Variants in KIRREL3 observed in about 807,000 individuals in gnomAD.
The protein encoded by KIRREL3 is kirre like nephrin family adhesion molecule 3.
KIRREL3 carries 36 observed loss-of-function variants against 89.7 expected under a neutral mutation model. The observed-to-expected ratio is 0.40, with a 90% CI of 0.31 to 0.53. The LOEUF is 0.53. KIRREL3 is among the 20% of genes least tolerant of loss of function. The probability of loss-of-function intolerance (pLI) is 0.49; values close to 1 mark genes in which losing one functional copy is unlikely to be tolerated. For synonymous variants in KIRREL3, 445 were observed against 441.4 expected (o/e 1.01, Z -0.10); for missense variants, 864 against 1,056.6 (o/e 0.82, Z 2.53).
At chr11:126,672,029 TC>T (rs1441420094) in intron 1 of KIRREL3, among the ~76,000 whole-genome samples, 1 of 152,232 alleles carries the variant, frequency 6.6e-6, no homozygotes, top group African/African-American at 2.4e-5. Context: ...ACAAAGATGT[TC>T]TCCAGTAGGT....
chr11:126,490,806 C>A lies in KIRREL3; in HGVS notation c.434-17340G>T, dbSNP rs1330542138. ...CTTCATCTCTTGCGAGTCTGGGACT[C>A]CAAGGGCCGAGCAGAGCCGGCAGTA... On this transcript the variant is annotated intron_variant, in intron 4 of 16. Transcript: ENST00000525144. The surrounding 1 kb of genome is among the most constrained non-coding windows in gnomAD (Gnocchi z 4.2). Among the ~76,000 whole-genome samples the A allele has an allele frequency of 6.6e-6, 1 of 152,076 alleles. No individual in the cohort carries two copies. Among genetic ancestry groups the A allele is most frequent in the African/African-American group, 2.4e-5 (1 of 41,396 alleles).
rs986146016 is a variant in KIRREL3, at chr11:126,562,695, A to G, written c.133+140T>C. On this transcript the variant is annotated intron_variant, in intron 2 of 16. Transcript: ENST00000525144. The surrounding 1 kb of genome is among the most constrained non-coding windows in gnomAD (Gnocchi z 4.7). ...CCCATGTGATTGTACAAATGGCTTC[A>G]TGGAAACCAAACTGGTCTTCCCACT... The G allele has an allele frequency of 8.2e-5, 50 of 611,934 alleles. No individual in the cohort carries two copies. In the African/African-American group the frequency reaches 8.3e-4, roughly 10 times the overall value. The allele number at this position is 611,934 out of a possible 1,614,324, so 37.9% of individuals were successfully genotyped here.
rs1955048464 is a variant in KIRREL3, at chr11:126,429,362, C to T, written c.1697-74G>A. Reference sequence around the variant, plus strand: ...TGAGATGTCAAGCTCCCTTGCAGTCCCCTGCCCCTGCCCTGCCACCCTCTG... The same window carrying T: ...TGAGATGTCAAGCTCCCTTGCAGTCTCCTGCCCCTGCCCTGCCACCCTCTG... On this transcript the variant is annotated intron_variant, in intron 14 of 16. Transcript: ENST00000525144. This position sits in a 1 kb window ranked among gnomAD's most constrained non-coding sequence, Gnocchi z 5.2. The T allele has an allele frequency of 3.1e-6, 3 of 979,468 alleles. No homozygotes were observed. The highest frequency in any genetic ancestry group is 1.6e-5 in the African/African-American group (1 of 62,814). The allele number at this position is 979,468 out of a possible 1,614,324, so 60.7% of individuals were successfully genotyped here. A position where few individuals can be genotyped will look rare whatever the true frequency, so the allele number is the denominator to read the frequency against.
Position 126,912,622 on chromosome 11 carries a change from C to A in KIRREL3, c.55+87833G>T, listed in dbSNP as rs189023729. On this transcript the variant is annotated intron_variant, in intron 1 of 16. Coordinates refer to ENST00000525144, the MANE Select transcript of KIRREL3 (RefSeq NM_032531.4). This position sits in a 1 kb window ranked among gnomAD's most constrained non-coding sequence, Gnocchi z 4.7. ...TGATGAACAGGAGAAGGGAGAAGAACTTCACCTTCCTTCAAGAGGCCATGC... is the reference window on the plus strand; with the variant it reads ...TGATGAACAGGAGAAGGGAGAAGAAATTCACCTTCCTTCAAGAGGCCATGC... Among the ~76,000 whole-genome samples, 2 of 152,340 alleles carry A rather than the reference C, an allele frequency of 1.3e-5. No homozygotes were observed. The highest frequency in any genetic ancestry group is 2.9e-5 in the Non-Finnish European group (2 of 68,034).
chr11:126,495,472 C>T lies in KIRREL3; in HGVS notation c.434-22006G>A, dbSNP rs1291767012. On this transcript the variant is annotated intron_variant, in intron 4 of 16. Transcript: ENST00000525144. The surrounding 1 kb of genome is among the most constrained non-coding windows in gnomAD (Gnocchi z 6.5). ...ACTGTCTGTGTTCCTCGTCTCCGCT[C>T]ATCCTTGCTGGCCGGGTTTCTGGTT... 6.6e-6 allele frequency among the ~76,000 whole-genome samples: 1 copy of T among 152,180 alleles called. No homozygotes were observed.
Position 126,742,750 on chromosome 11 carries a change from AAC to A in KIRREL3, c.56-179840_56-179839del, listed in dbSNP as rs555366280. 1.2e-3 allele frequency among the ~76,000 whole-genome samples: 189 copies of A among 152,364 alleles called. No individual in the cohort carries two copies. The highest frequency in any genetic ancestry group is 6.7e-3 in the East Asian group (35 of 5,188). On this transcript the variant is annotated intron_variant, in intron 1 of 16. Coordinates refer to ENST00000525144, the MANE Select transcript of KIRREL3 (RefSeq NM_032531.4). This position sits in a 1 kb window ranked among gnomAD's most constrained non-coding sequence, Gnocchi z 5.3. ...AGTGGACTTTAGAACCAGGCAGGCA[AAC>A]ACAGCTTCAGGGTGAGGTTAGGCAG...
intron 1 of KIRREL3, among the ~76,000 whole-genome samples, chr11:126,832,447 A>G (rs1006740360): frequency 6.6e-6 from 1 of 152,222 alleles, no homozygotes; most frequent in African/African-American, 2.4e-5. Context: ...ATGCTTGTAC[A>G]TAAAGGCAAC....
Position 126,640,675 on chromosome 11 carries a change from G to A in KIRREL3, c.56-77763C>T, listed in dbSNP as rs1944434579. On this transcript the variant is annotated intron_variant, in intron 1 of 16. Coordinates refer to ENST00000525144, the MANE Select transcript of KIRREL3 (RefSeq NM_032531.4). The surrounding 1 kb of genome is among the most constrained non-coding windows in gnomAD (Gnocchi z 4.9). ...CATATTACTTGCTGCTGTTTCACAT[G>A]GGTTCTTTCTGAATCTGGAATGAAC... Among the ~76,000 whole-genome samples, 1 of 152,092 alleles carries A rather than the reference G, an allele frequency of 6.6e-6. No individual in the cohort carries two copies. The highest frequency in any genetic ancestry group is 6.5e-5 in the Admixed American group (1 of 15,276).
chr11:126,518,430 G>C (rs1297740335), intron 4 of KIRREL3, among the ~76,000 whole-genome samples: 1 of 152,262 alleles, frequency 6.6e-6, no homozygotes, highest in Non-Finnish European at 1.5e-5. Context: ...TCTAGCCAAA[G>C]TGTTTGCTTT....
rs375855596 is a variant in KIRREL3 at position 126,424,934 on chromosome 11, C to T, written c.1983G>A (p.Leu661=). 4,316 of 1,601,340 alleles carry T rather than the reference C, an allele frequency of 2.7e-3. 10 individuals are homozygous for T. Among genetic ancestry groups the T allele is most frequent in the Non-Finnish European group, 3.0e-3 (3,467 of 1,170,712 alleles). The change falls in exon 17 of 17, where the codon CTG becomes CTA. Residue 661 remains leucine, a synonymous_variant. Transcript: ENST00000525144. ...GCACACGCTGCTTGCCCGCAGGACG[C>T]AGGTCGGGCTGGCAGCTGGAGAGGG... ...TISLSSCQPD[L]RPAGKQRVPT...
chr11:126,549,497 C>T (rs1939087175), intron 2 of KIRREL3: 1 of 152,220 alleles, frequency 6.6e-6, no homozygotes, highest in Non-Finnish European at 1.5e-5. Flanking sequence ...TGAACCTGCT[C>T]ATTCCAGCGC....
Position 126,568,517 on chromosome 11 carries a change from G to A in KIRREL3, c.56-5605C>T, listed in dbSNP as rs1199787128. ...AAAAATAGCTCCCATTCCCCAGACA[G>A]TGCCTGAGATCATCTGGAGGAGACA... is the stretch of plus-strand genomic sequence containing the variant. On this transcript the variant is annotated intron_variant, in intron 1 of 16. Transcript: ENST00000525144. The surrounding 1 kb of genome is among the most constrained non-coding windows in gnomAD (Gnocchi z 4.6). Among the ~76,000 whole-genome samples the A allele has an allele frequency of 6.6e-6, 1 of 152,204 alleles. No individual in the cohort carries two copies. Among genetic ancestry groups the A allele is most frequent in the East Asian group, 1.9e-4 (1 of 5,190 alleles).
rs1307876466 is a variant in KIRREL3 at position 126,877,922 on chromosome 11, C to T, written c.55+122533G>A. Among the ~76,000 whole-genome samples, 1 of 152,068 alleles carries T rather than the reference C, an allele frequency of 6.6e-6. No individual in the cohort carries two copies. The highest frequency in any genetic ancestry group is 2.4e-5 in the African/African-American group (1 of 41,392). On this transcript the variant is annotated intron_variant, in intron 1 of 16. Transcript: ENST00000525144. This position sits in a 1 kb window ranked among gnomAD's most constrained non-coding sequence, Gnocchi z 4.9. Reference sequence around the variant, plus strand: ...GCAGCGTGTTAAGGCTGGAACTCCCCCCTAGAGACATAGTCCAAGCTTCTC... The same window carrying T: ...GCAGCGTGTTAAGGCTGGAACTCCCTCCTAGAGACATAGTCCAAGCTTCTC...
rs1319036909 is a variant in KIRREL3, at chr11:126,601,663, G to A, written c.56-38751C>T. Among the ~76,000 whole-genome samples the A allele has an allele frequency of 6.6e-6, 1 of 152,110 alleles. No homozygotes were observed. Among genetic ancestry groups the A allele is most frequent in the Non-Finnish European group, 1.5e-5 (1 of 68,020 alleles). On this transcript the variant is annotated intron_variant, in intron 1 of 16. Transcript: ENST00000525144. This position sits in a 1 kb window ranked among gnomAD's most constrained non-coding sequence, Gnocchi z 5.8. The stretch of plus-strand genomic sequence containing the variant: ...AGAAAGGAGGCCTCACAGTGTCCTG[G>A]CCCCCTCTGCCCACTTGCCGCCCCT...
Position 126,562,949 on chromosome 11 carries a change from G to A in KIRREL3, c.56-37C>T, listed in dbSNP as rs1314547249. The A allele has an allele frequency of 1.3e-6, 2 of 1,551,908 alleles. No homozygotes were observed. Among genetic ancestry groups the A allele is most frequent in the Non-Finnish European group, 1.8e-6 (2 of 1,124,094 alleles). ...GCATAGGTGGGTGAGTTGGGAATGG[G>A]AACAGGTCAGGCATTGTTGGGGGGC... On this transcript the variant is annotated intron_variant, in intron 1 of 16. Coordinates refer to ENST00000525144, the MANE Select transcript of KIRREL3 (RefSeq NM_032531.4). The surrounding 1 kb of genome is among the most constrained non-coding windows in gnomAD (Gnocchi z 4.7).
At chr11:126,435,403 C>CA (rs1211031225) in intron 12 of KIRREL3, 100 bp from the exon 13 acceptor site, 1 of 1,203,648 alleles carries the variant, frequency 8.3e-7, no homozygotes, top group Non-Finnish European at 1.2e-6. Flanking sequence ...GTGAGGGGCT[C>CA]CTTTCCCAGT....
In KIRREL3 at chr11:126,761,554, G is replaced by C. The variant is rs537721563; in HGVS notation, c.56-198642C>G. Among the ~76,000 whole-genome samples the C allele has an allele frequency of 4.8e-4, 73 of 152,352 alleles. No homozygotes were observed. Among genetic ancestry groups the C allele is most frequent in the African/African-American group, 1.7e-3 (70 of 41,592 alleles). ...TGGGAAGTGTCAAGATTAGTAAACA[G>C]GAAGAGGATTTGGAAGCTAAATGCA... On this transcript the variant is annotated intron_variant, in intron 1 of 16. Transcript: ENST00000525144. This position sits in a 1 kb window ranked among gnomAD's most constrained non-coding sequence, Gnocchi z 4.4.
intron 1 of KIRREL3, among the ~76,000 whole-genome samples, chr11:126,913,362 G>A (rs1331838838): frequency 6.6e-6 from 1 of 152,202 alleles, no homozygotes; most frequent in Admixed American, 6.5e-5. Context: ...GTTCAGAATG[G>A]GGCTAGTGAC....
intron 1 of KIRREL3, among the ~76,000 whole-genome samples, chr11:126,681,108 G>A (rs1353228986): frequency 1.3e-5 from 2 of 152,112 alleles, no homozygotes; most frequent in Non-Finnish European, 2.9e-5. Context: ...ATGACTAAAG[G>A]GACTTGTAGC....
Sources: allele counts gnomAD v4.1 joint callset (sites outside exome capture counted in the v4.1 genomes callset), GRCh38; gene constraint gnomAD v4.1.1; non-coding constraint Gnocchi (gnomAD v3.1); transcripts MANE v1.5; gene names NCBI Gene and HGNC (gene_info 2026-07-23, HGNC 2026-07-21).